Variants in FBXL17 observed in about 807,000 individuals in gnomAD.
The protein encoded by FBXL17 is F-box and leucine rich repeat protein 17.
In FBXL17, 22 loss-of-function variants were observed where a neutral mutation model predicts 66.2. The observed-to-expected ratio is 0.33, with a 90% CI of 0.24 to 0.47. FBXL17 has a LOEUF of 0.47. Among genes scored for constraint, FBXL17 ranks in the 20% least tolerant of loss-of-function variants. The probability of loss-of-function intolerance (pLI) is 1.00; values close to 1 mark genes in which losing one functional copy is unlikely to be tolerated. For synonymous variants in FBXL17, 474 were observed against 400.5 expected (o/e 1.18, Z -2.19); for missense variants, 878 against 948.2 (o/e 0.93, Z 0.97).
chr5:108,081,311 G>C (rs991540237), intron 6 of FBXL17, among the ~76,000 whole-genome samples: 3 of 152,128 alleles, frequency 2.0e-5, no homozygotes, highest in African/African-American at 7.2e-5. Flanking sequence ...CGGAAAGGAA[G>C]GATCGATTCA....
At chr5:107,933,082 A>T (rs1750784998) in intron 7 of FBXL17, among the ~76,000 whole-genome samples, 1 of 152,182 alleles carries the variant, frequency 6.6e-6, no homozygotes, top group South Asian at 2.1e-4. Flanking sequence ...CACTTTAAAA[A>T]AGTTCCAGGT....
At chr5:108,367,739 A>C in intron 2 of FBXL17, 92 bp downstream of exon 2, 1 of 1,140,754 alleles carries the variant, frequency 8.8e-7, no homozygotes, top group South Asian at 1.8e-5. Flanking sequence ...GAACTATCTT[A>C]AAAAACAAGA....
At position 108,281,678 on chromosome 5, in the gene FBXL17, A is replaced by T. The variant is rs1250375327; in HGVS notation, c.1507-57450T>A. On this transcript the variant is annotated intron_variant, in intron 4 of 8. Transcript: ENST00000542267. ...AAATTAGCAGAAGAAACAAAATAACAACGATCAGAGCAGAACTAAATGTAA... is the reference window on the plus strand; with the variant it reads ...AAATTAGCAGAAGAAACAAAATAACTACGATCAGAGCAGAACTAAATGTAA... Among the ~76,000 whole-genome samples, 4 of 151,918 alleles carry T rather than the reference A, an allele frequency of 2.6e-5. No homozygotes were observed. In the East Asian group the frequency reaches 5.8e-4, roughly 22 times the overall value.
intron 4 of FBXL17, among the ~76,000 whole-genome samples, chr5:108,285,895 A>G (rs558129885): frequency 1.8e-4 from 27 of 152,068 alleles, no homozygotes; most frequent in Admixed American, 9.2e-4. Flanking sequence ...ATCCCCAAGA[A>G]AACACCAGTA....
Position 108,009,263 on chromosome 5 carries a change from A to T in FBXL17, c.1822+11662T>A, listed in dbSNP as rs866879031. ...TTGGTCGTGAGTTGTTCCCTGTTTT[A>T]TATATATATATATATATATATATAT... On this transcript the variant is annotated intron_variant, in intron 7 of 8. Transcript: ENST00000542267. Among the ~76,000 whole-genome samples, 115 of 36,396 alleles carry T rather than the reference A, an allele frequency of 3.2e-3. 2 individuals carry two copies. Among genetic ancestry groups the T allele is most frequent in the African/African-American group, 5.1e-3 (41 of 7,996 alleles). The allele number at this position is 36,396 out of a possible 152,430, so 23.9% of individuals were successfully genotyped here.
chr5:107,975,689 T>A (rs1752550422), intron 7 of FBXL17, among the ~76,000 whole-genome samples: 1 of 152,134 alleles, frequency 6.6e-6, no homozygotes, highest in Admixed American at 6.5e-5. Context: ...TAATTTGACT[T>A]ATTAATTGAA....
chr5:107,981,877 T>C (rs1040982093), intron 7 of FBXL17, among the ~76,000 whole-genome samples: 19 of 152,294 alleles, frequency 1.2e-4, no homozygotes, highest in African/African-American at 4.6e-4. Context: ...CTTCCCTTCA[T>C]TACGACTGAA....
chr5:108,053,702 G>A (rs1286928423), intron 6 of FBXL17, among the ~76,000 whole-genome samples: 1 of 152,164 alleles, frequency 6.6e-6, no homozygotes, highest in Non-Finnish European at 1.5e-5. Context: ...AGACAGTATG[G>A]CAATTCCTCA....
chr5:108,057,815 G>C (rs989696251), intron 6 of FBXL17, among the ~76,000 whole-genome samples: 3 of 152,138 alleles, frequency 2.0e-5, no homozygotes, highest in Admixed American at 6.5e-5. Flanking sequence ...CAGACTAATA[G>C]TCAATAATAA....
At chr5:108,201,416 G>C (rs1753888602) in intron 5 of FBXL17, among the ~76,000 whole-genome samples, 1 of 152,006 alleles carries the variant, frequency 6.6e-6, no homozygotes, top group African/African-American at 2.4e-5. Flanking sequence ...CCCAGGTGCA[G>C]TAAAAATGGT....
chr5:108,020,771 A>G, intron 7 of FBXL17, 154 bp downstream of exon 7: 1 of 547,638 alleles, frequency 1.8e-6, no homozygotes, highest in African/African-American at 1.9e-5. Context: ...TTAGCTCATA[A>G]TTTTTTTATT....
chr5:108,277,075 T>G (rs1394305598), intron 4 of FBXL17, among the ~76,000 whole-genome samples: 1 of 152,170 alleles, frequency 6.6e-6, no homozygotes, highest in East Asian at 1.9e-4. Context: ...TAAATGCCAT[T>G]CTATCAATGA....
chr5:107,897,307 T>C (rs556782333), intron 7 of FBXL17, among the ~76,000 whole-genome samples: 178 of 152,278 alleles, frequency 1.2e-3, no homozygotes, highest in African/African-American at 4.3e-3. Context: ...AGAGATAGGC[T>C]AACTCTGTTT....
At position 108,033,527 on chromosome 5, in the gene FBXL17, G is replaced by A. The variant is rs187102206; in HGVS notation, c.1746-12526C>T. ...ATTCCCACTCACAAATGCAACTACC[G>A]TTGTAGATGTTTTTGTTACTTTGTT... On this transcript the variant is annotated intron_variant, in intron 6 of 8. Transcript: ENST00000542267. 1.2e-3 allele frequency among the ~76,000 whole-genome samples: 187 copies of A among 151,998 alleles called. 1 individual carries two copies. Among genetic ancestry groups the A allele is most frequent in the African/African-American group, 4.1e-3 (171 of 41,470 alleles).
intron 6 of FBXL17, among the ~76,000 whole-genome samples, chr5:108,148,957 T>C (rs1751665609): frequency 6.6e-6 from 1 of 152,240 alleles, no homozygotes; most frequent in South Asian, 2.1e-4. Context: ...TCCTGTGTTA[T>C]GTAAAACATT....
rs1246291659 is a variant in FBXL17 at position 108,074,676 on chromosome 5, G to C, written c.1746-53675C>G. ...CTTCTGCCTTTTCTGTCTTCCTGAG[G>C]AGTCTAAAGTCATGGACAGATTCAT... On this transcript the variant is annotated intron_variant, in intron 6 of 8. Transcript: ENST00000542267. Among the ~76,000 whole-genome samples, 5 of 152,126 alleles carry C rather than the reference G, an allele frequency of 3.3e-5. No homozygotes were observed. In the East Asian group the frequency reaches 7.7e-4, roughly 23 times the overall value.
At chr5:107,875,777 A>G (rs1580672203) in intron 8 of FBXL17, among the ~76,000 whole-genome samples, 1 of 152,358 alleles carries the variant, frequency 6.6e-6, no homozygotes, top group East Asian at 1.9e-4. Flanking sequence ...GTAAGGAGAA[A>G]GGTCTTGGCA....
chr5:108,340,642 G>A (rs1398989795), intron 4 of FBXL17, among the ~76,000 whole-genome samples: 1 of 151,976 alleles, frequency 6.6e-6, no homozygotes, highest in Non-Finnish European at 1.5e-5. Context: ...TGCTAACTAG[G>A]TCAAAACAAT....
chr5:107,955,634 T>C (rs1387033746), intron 7 of FBXL17, among the ~76,000 whole-genome samples: 6 of 152,166 alleles, frequency 3.9e-5, no homozygotes, highest in Admixed American at 3.3e-4. Flanking sequence ...CCCTTCTCCA[T>C]GAAAAATGCA....
Sources: gnomAD v4.1 joint callset for allele counts (sites outside exome capture counted in the v4.1 genomes callset) on GRCh38, gnomAD v4.1.1 for gene constraint, MANE v1.5 for transcripts, NCBI Gene and HGNC (gene_info 2026-07-23, HGNC 2026-07-21) for gene names.